Variants in RIT2 observed in about 807,000 individuals in gnomAD.
The protein encoded by RIT2 is GTP-binding protein Rit2.
RIT2 carries 24 observed loss-of-function variants against 23.7 expected under a neutral mutation model. The ratio of observed to expected loss-of-function variants is 1.01; its 90% CI spans 0.73 to 1.43. The LOEUF (loss-of-function observed/expected upper bound fraction) is 1.43. Among genes scored for constraint, RIT2 ranks in the 40% most tolerant of loss-of-function variants. The pLI is 0.00. For synonymous variants in RIT2, 107 were observed against 91.1 expected (o/e 1.17, Z -0.99); for missense variants, 236 against 266.9 (o/e 0.88, Z 0.81).
intron 1 of RIT2, among the ~76,000 whole-genome samples, chr18:43,082,266 C>T (rs896919647): frequency 6.6e-6 from 1 of 151,896 alleles, no homozygotes; most frequent in African/African-American, 2.4e-5. Flanking sequence ...TTTATTGTGT[C>T]TATTGGATTC....
intron 4 of RIT2, among the ~76,000 whole-genome samples, chr18:42,886,300 G>T (rs4890416): frequency 1.3e-5 from 2 of 152,014 alleles, no homozygotes; most frequent in Non-Finnish European, 2.9e-5. Context: ...ATTCTATTGC[G>T]CGCAGAATAA....
chr18:42,960,330 G>A (rs1032703066), intron 3 of RIT2, among the ~76,000 whole-genome samples: 8 of 152,148 alleles, frequency 5.3e-5, no homozygotes, highest in African/African-American at 1.9e-4. Flanking sequence ...TTGTTTTTGA[G>A]ATGGAGTCTC....
At chr18:42,853,435 A>C (rs369943050) in intron 4 of RIT2, among the ~76,000 whole-genome samples, 1 of 152,222 alleles carries the variant, frequency 6.6e-6, no homozygotes, top group Non-Finnish European at 1.5e-5. Flanking sequence ...ATTTGGAATA[A>C]ATTAATAAAA....
At position 43,093,712 on chromosome 18, in the gene RIT2, A is replaced by G. The variant is rs546450341; in HGVS notation, c.103+21705T>C. 1.8e-4 allele frequency among the ~76,000 whole-genome samples: 28 copies of G among 152,158 alleles called. No homozygotes were observed. In the East Asian group the frequency reaches 5.4e-3, roughly 29 times the overall value. Reference sequence around the variant, plus strand: ...AAAAGAGAAGAAATGAGCTAATTCCAGCATTTTGGTTGCTGGGAGGTGTAG... The same window carrying G: ...AAAAGAGAAGAAATGAGCTAATTCCGGCATTTTGGTTGCTGGGAGGTGTAG... On this transcript the variant is annotated intron_variant, in intron 1 of 4. Coordinates refer to ENST00000326695, the MANE Select transcript of RIT2 (RefSeq NM_002930.4).
intron 3 of RIT2, among the ~76,000 whole-genome samples, chr18:42,951,955 G>A (rs565687538): frequency 6.6e-6 from 1 of 152,270 alleles, no homozygotes; most frequent in East Asian, 1.9e-4. Context: ...GAGGAACAAA[G>A]TCATGTCTTA....
At chr18:42,879,555 T>C (rs1907834258) in intron 4 of RIT2, among the ~76,000 whole-genome samples, 1 of 152,160 alleles carries the variant, frequency 6.6e-6, no homozygotes, top group South Asian at 2.1e-4. Context: ...TTGTTTTCTC[T>C]TTCTGCAAGT....
intron 1 of RIT2, among the ~76,000 whole-genome samples, chr18:43,079,802 A>G (rs1037333121): frequency 6.6e-6 from 1 of 152,188 alleles, no homozygotes; most frequent in East Asian, 1.9e-4. Context: ...GAAGTTCGTC[A>G]TGATTGGACT....
At position 43,094,131 on chromosome 18, in the gene RIT2, T is replaced by G. The variant is rs917900407; in HGVS notation, c.103+21286A>C. ...ATTAGTGGGTTTTTTTTGTTTTTTT[T>G]TTTTTTTTTCACTTTGCCTCAGGCT... On this transcript the variant is annotated intron_variant, in intron 1 of 4. Transcript: ENST00000326695. Among the ~76,000 whole-genome samples, 96 of 132,846 alleles carry G rather than the reference T, an allele frequency of 7.2e-4. 1 individual carries two copies. Among genetic ancestry groups the G allele is most frequent in the African/African-American group, 2.4e-3 (87 of 36,688 alleles). 87.2% of individuals were successfully genotyped at this position (132,846 alleles called of 152,430 possible).
chr18:42,872,085 T>C (rs1320323805), intron 4 of RIT2, among the ~76,000 whole-genome samples: 1 of 152,120 alleles, frequency 6.6e-6, no homozygotes, highest in Non-Finnish European at 1.5e-5. Flanking sequence ...ATAATTTCTC[T>C]ATATGTGAAT....
intron 3 of RIT2, among the ~76,000 whole-genome samples, chr18:42,925,678 T>C (rs1052027379): frequency 7.9e-5 from 12 of 151,710 alleles, no homozygotes; most frequent in African/African-American, 2.9e-4. Flanking sequence ...ACTAATTTAG[T>C]TTTCTTCTCA....
intron 4 of RIT2, among the ~76,000 whole-genome samples, chr18:42,814,176 G>C (rs897308337): frequency 1.3e-5 from 2 of 152,204 alleles, no homozygotes; most frequent in African/African-American, 2.4e-5. Context: ...GAAATCTCCA[G>C]CTGAACTTCA....
intron 3 of RIT2, among the ~76,000 whole-genome samples, chr18:42,949,596 T>C (rs1909803753): frequency 6.6e-6 from 1 of 152,106 alleles, no homozygotes; most frequent in African/African-American, 2.4e-5. Flanking sequence ...TCTTTTTCAG[T>C]ATCAGCTATA....
intron 4 of RIT2, among the ~76,000 whole-genome samples, chr18:42,753,886 T>G (rs1215455793): frequency 6.6e-6 from 1 of 152,200 alleles, no homozygotes; most frequent in Non-Finnish European, 1.5e-5. Context: ...GAAAATCATC[T>G]TCCATTTAAA....
chr18:42,939,969 T>G (rs1909554834), intron 3 of RIT2, among the ~76,000 whole-genome samples: 1 of 151,992 alleles, frequency 6.6e-6, no homozygotes, highest in African/African-American at 2.4e-5. Flanking sequence ...TTCCTATTGC[T>G]TGTCCACCTG....
At chr18:43,001,764 A>T (rs1568052368) in intron 2 of RIT2, among the ~76,000 whole-genome samples, 1 of 152,018 alleles carries the variant, frequency 6.6e-6, no homozygotes, top group African/African-American at 2.4e-5. Context: ...CTCTAACTGT[A>T]CTTTCTAAAG....
chr18:42,997,927 T>C (rs1172080529), intron 2 of RIT2, among the ~76,000 whole-genome samples: 2 of 152,266 alleles, frequency 1.3e-5, no homozygotes, highest in Admixed American at 1.3e-4. Flanking sequence ...CCTTGACTAC[T>C]GTATTGAGAG....
intron 1 of RIT2, among the ~76,000 whole-genome samples, chr18:43,104,051 T>C (rs981110748): frequency 6.6e-6 from 1 of 152,052 alleles, no homozygotes; most frequent in African/African-American, 2.4e-5. Context: ...CATCAACAGA[T>C]AAATGGATAA....
intron 4 of RIT2, among the ~76,000 whole-genome samples, chr18:42,760,291 A>G (rs760803123): frequency 1.6e-4 from 24 of 152,180 alleles, no homozygotes; most frequent in Non-Finnish European, 2.4e-4. Flanking sequence ...CTTCAGGTGA[A>G]CAAGATGACC....
intron 4 of RIT2, among the ~76,000 whole-genome samples, chr18:42,797,270 C>T (rs1438358714): frequency 6.6e-6 from 1 of 152,014 alleles, no homozygotes; most frequent in African/African-American, 2.4e-5. Flanking sequence ...ATCAGAAAGT[C>T]CATGGTTGTG....
Sources: gnomAD v4.1 joint callset for allele counts (sites outside exome capture counted in the v4.1 genomes callset) on GRCh38, gnomAD v4.1.1 for gene constraint, MANE v1.5 for transcripts, NCBI Gene and HGNC (gene_info 2026-07-23, HGNC 2026-07-21) for gene names.